TSHR: variants seen among roughly 807,000 people sequenced by gnomAD.
TSHR encodes thyrotropin receptor.
In TSHR, 51 loss-of-function variants were observed where a neutral mutation model predicts 64.1. That is an observed-to-expected ratio of 0.80 (90% CI 0.64 to 1.01). TSHR has a LOEUF of 1.01. Among genes scored for constraint, TSHR ranks in the 50% least tolerant of loss-of-function variants. TSHR has a pLI of 0.00. For synonymous variants in TSHR, 361 were observed against 361.9 expected (o/e 1.00, Z 0.03); for missense variants, 877 against 942.8 (o/e 0.93, Z 0.91).
intron 8 of TSHR, among the ~76,000 whole-genome samples, chr14:81,138,524 G>A (rs1450620089): frequency 1.3e-5 from 2 of 152,032 alleles, no homozygotes; most frequent in African/African-American, 2.4e-5. Context: ...GACCAGTTTG[G>A]AAAATGCTAG....
chr14:81,122,377 G>A (rs570386467), intron 8 of TSHR, among the ~76,000 whole-genome samples: 1 of 151,266 alleles, frequency 6.6e-6, no homozygotes, highest in Non-Finnish European at 1.5e-5. Flanking sequence ...GGAGCATGTA[G>A]AAAACTTAGC....
intron 1 of TSHR, among the ~76,000 whole-genome samples, chr14:81,016,674 A>G (rs1311818915): frequency 7.9e-5 from 12 of 152,062 alleles, no homozygotes; most frequent in Non-Finnish European, 1.6e-4. Context: ...TGGGGGTCAT[A>G]TCTAAAATAT....
At chr14:80,983,353 C>A in intron 1 of TSHR, 1 of 1,083,408 alleles carries the variant, frequency 9.2e-7, no homozygotes, top group South Asian at 1.7e-5. Flanking sequence ...TTTCATTTGC[C>A]ATCCTTGAGA....
intron 1 of TSHR, chr14:81,013,127 AAGG>A (rs1882007753): frequency 1.3e-5 from 2 of 152,148 alleles, no homozygotes; most frequent in South Asian, 4.1e-4. Context: ...TATAAGGTGT[AAGG>A]AAGGGATCCA....
At chr14:80,995,627 T>C (rs183145685) in intron 1 of TSHR, 1 of 152,186 alleles carries the variant, frequency 6.6e-6, no homozygotes, top group East Asian at 1.9e-4. Flanking sequence ...AGTTAAATTA[T>C]GAGAACACAT....
intron 1 of TSHR, among the ~76,000 whole-genome samples, chr14:81,048,432 A>G (rs976184226): frequency 2.0e-5 from 3 of 152,106 alleles, no homozygotes; most frequent in Non-Finnish European, 4.4e-5. Context: ...TTCCTTCCAC[A>G]TCCCAAAGAT....
intron 8 of TSHR, among the ~76,000 whole-genome samples, chr14:81,119,560 A>T (rs966056880): frequency 2.4e-5 from 3 of 126,128 alleles, no homozygotes; most frequent in African/African-American, 1.0e-4. Flanking sequence ...GAGAAATAGG[A>T]ACACTTTTAC....
chr14:81,019,457 CT>C (rs1166193901), intron 1 of TSHR, among the ~76,000 whole-genome samples: 9,798 of 118,326 alleles, frequency 0.083, 315 homozygotes, highest in African/African-American at 0.15. Flanking sequence ...ATCATCAATT[CT>C]TTTTTTTTTT....
intron 8 of TSHR, among the ~76,000 whole-genome samples, chr14:81,124,710 A>T (rs1327215808): frequency 1.3e-5 from 2 of 150,954 alleles, no homozygotes; most frequent in Non-Finnish European, 3.0e-5. Flanking sequence ...TTTAATTGTC[A>T]TTTTTTTTTA....
At chr14:81,096,237 C>T (rs10146192) in intron 6 of TSHR, among the ~76,000 whole-genome samples, 39,010 of 152,010 alleles carry the variant, frequency 0.26, 7,472 homozygotes, top group African/African-American at 0.54. Flanking sequence ...CATACGCATT[C>T]AGATGAATGT....
At chr14:81,086,938 T>C (rs913800060) in intron 3 of TSHR, among the ~76,000 whole-genome samples, 6 of 152,276 alleles carry the variant, frequency 3.9e-5, no homozygotes, top group African/African-American at 1.4e-4. Flanking sequence ...GGAGACTAAC[T>C]GCAGATGGGC....
intron 4 of TSHR, among the ~76,000 whole-genome samples, chr14:81,089,748 C>T (rs545469610): frequency 6.6e-6 from 1 of 152,204 alleles, no homozygotes; most frequent in South Asian, 2.1e-4. Context: ...GACCTTTTTC[C>T]CTCCTACTGT....
intron 1 of TSHR, chr14:81,033,088 T>C (rs1376993465): frequency 1.9e-5 from 7 of 363,356 alleles, no homozygotes; most frequent in East Asian, 1.5e-4. Flanking sequence ...TGGGCTCATA[T>C]GCATTACTCA....
intron 1 of TSHR, among the ~76,000 whole-genome samples, chr14:80,970,191 T>A (rs1345524876): frequency 6.6e-6 from 1 of 152,188 alleles, no homozygotes; most frequent in Non-Finnish European, 1.5e-5. Context: ...CCAATTTCAG[T>A]GAGAGTGCAG....
At chr14:81,067,709 A>G (rs1886734075) in intron 2 of TSHR, among the ~76,000 whole-genome samples, 1 of 149,028 alleles carries the variant, frequency 6.7e-6, no homozygotes, top group Non-Finnish European at 1.5e-5. Flanking sequence ...ACATCTGTGT[A>G]TTTTAAAGGA....
intron 8 of TSHR, among the ~76,000 whole-genome samples, chr14:81,116,971 T>G (rs1595141852): frequency 1.5e-5 from 2 of 135,616 alleles, no homozygotes; most frequent in East Asian, 2.4e-4. Flanking sequence ...ATAAAGATGT[T>G]CTTTGAAACC....
intron 3 of TSHR, among the ~76,000 whole-genome samples, chr14:81,076,741 A>G (rs1887532360): frequency 1.3e-5 from 2 of 152,162 alleles, no homozygotes; most frequent in African/African-American, 4.8e-5. Context: ...TTAAGCCACC[A>G]TCATCTCTTG....
At chr14:81,108,582 C>A (rs2140032170) in intron 8 of TSHR, 130 bp downstream of exon 8, 1 of 1,610,866 alleles carries the variant, frequency 6.2e-7, no homozygotes. Flanking sequence ...GTAAAGGCTT[C>A]TGCAAGTCCC....
chr14:81,033,019 TC>T lies in TSHR; in HGVS notation c.171-29127del, dbSNP rs371092678. On this transcript the variant is annotated intron_variant, in intron 1 of 9. Transcript: ENST00000298171. ...GCTGTGTGGGGCAGATTTACTGGAG[TC>T]CTTTGGTGTTCCCAATTTCTGGAAG... 4.1e-4 allele frequency: 145 copies of T among 352,896 alleles called. 1 individual carries two copies. The highest frequency in any genetic ancestry group is 3.1e-3 in the African/African-American group (142 of 45,184). The allele number at this position is 352,896 out of a possible 1,614,324, so 21.9% of individuals were successfully genotyped here. A position where few individuals can be genotyped will look rare whatever the true frequency, so the allele number is the denominator to read the frequency against.
Sources: gnomAD v4.1 joint callset for allele counts (sites outside exome capture counted in the v4.1 genomes callset) on GRCh38, gnomAD v4.1.1 for gene constraint, MANE v1.5 for transcripts, NCBI Gene and HGNC (gene_info 2026-07-23, HGNC 2026-07-21) for gene names.